Variants in FRRS1 observed in about 807,000 individuals in gnomAD.
FRRS1 encodes the protein ferric chelate reductase 1.
FRRS1 carries 51 observed loss-of-function variants against 70.7 expected under a neutral mutation model. The observed-to-expected ratio is 0.72, with a 90% CI of 0.58 to 0.91. FRRS1 has a LOEUF of 0.91. Ranked by LOEUF, FRRS1 falls within the 40% of genes least tolerant of loss-of-function variation. The probability of loss-of-function intolerance (pLI) is 0.00; values close to 1 mark genes in which losing one functional copy is unlikely to be tolerated. For missense variants in FRRS1, 672 were observed against 726.0 expected (o/e 0.93, Z 0.86); for synonymous variants, 225 against 238.7 (o/e 0.94, Z 0.53).
chr1:99,746,270 C>T (rs1002932305), intron 4 of FRRS1, among the ~76,000 whole-genome samples: 7 of 152,162 alleles, frequency 4.6e-5, no homozygotes, highest in African/African-American at 1.7e-4. Flanking sequence ...ACACACAGTA[C>T]TCGATGGAAA....
intron 1 of FRRS1, among the ~76,000 whole-genome samples, chr1:99,765,144 A>C (rs781536070): frequency 1.3e-5 from 2 of 152,226 alleles, no homozygotes; most frequent in Non-Finnish European, 2.9e-5. Context: ...TTCACCAAAA[A>C]AATCAACATA....
intron 14 of FRRS1, 124 bp from the exon 15 acceptor site, chr1:99,711,073 A>C: frequency 1.3e-6 from 1 of 789,614 alleles, no homozygotes; most frequent in Non-Finnish European, 2.0e-6. Context: ...GAAGATTAAT[A>C]TCTAAGACCA....
At chr1:99,717,593 C>G (rs374315701) in intron 10 of FRRS1, 68 bp from the exon 11 acceptor site, 1 of 1,034,432 alleles carries the variant, frequency 9.7e-7, no homozygotes, top group South Asian at 1.3e-5. Flanking sequence ...AATGACCAAG[C>G]CAAATGCTCA....
In FRRS1 at chr1:99,728,172, C is replaced by A. The variant is rs372332017; in HGVS notation, c.1006+321G>T. On this transcript the variant is annotated intron_variant, in intron 9 of 16. Coordinates refer to ENST00000646001, the MANE Select transcript of FRRS1 (RefSeq NM_001361041.2). ...CTTCTAGGTCCCCTGCAATGTTAAT[C>A]TACTATCACTACACTCAGGGAAGCC... 9.8e-5 allele frequency among the ~76,000 whole-genome samples: 15 copies of A among 152,354 alleles called. No homozygotes were observed. In the South Asian group the frequency reaches 3.1e-3, roughly 32 times the overall value.
chr1:99,736,635 G>C (rs1377319471), intron 7 of FRRS1, among the ~76,000 whole-genome samples: 1 of 118,772 alleles, frequency 8.4e-6, no homozygotes, highest in Non-Finnish European at 1.6e-5. Context: ...GGGGAGAGTG[G>C]GGAGGGATAG....
rs987679283 is a variant in FRRS1, at chr1:99,707,772, T to A, written c.*1256A>T. On this transcript the variant is annotated 3_prime_UTR_variant, in exon 17 of 17. Coordinates refer to ENST00000646001, the MANE Select transcript of FRRS1 (RefSeq NM_001361041.2). ...TGGCTAGAAGTCCTCATAGCACATA[T>A]GAGATGTAGCCATAAAATAGATGAA... 2.6e-5 allele frequency among the ~76,000 whole-genome samples: 4 copies of A among 152,192 alleles called. No individual in the cohort carries two copies. The highest frequency in any genetic ancestry group is 5.9e-5 in the Non-Finnish European group (4 of 68,040).
In FRRS1 at chr1:99,736,942, A is replaced by T. The variant is rs932160469; in HGVS notation, c.759+1144T>A. Among the ~76,000 whole-genome samples the T allele has an allele frequency of 1.1e-4, 16 of 151,880 alleles. No homozygotes were observed. In the South Asian group the frequency reaches 3.3e-3, roughly 32 times the overall value. On this transcript the variant is annotated intron_variant, in intron 7 of 16. Coordinates refer to ENST00000646001, the MANE Select transcript of FRRS1 (RefSeq NM_001361041.2). Reference sequence around the variant, plus strand: ...TTTCAGGACGAGCATTAGTTTTTCTATTACAGCCATGTCAGAGTTCCTTTT... The same window carrying T: ...TTTCAGGACGAGCATTAGTTTTTCTTTTACAGCCATGTCAGAGTTCCTTTT...
rs1322962347 is a variant in FRRS1, at chr1:99,763,995, G to A, written c.-106+2612C>T. Among the ~76,000 whole-genome samples, 13 of 152,110 alleles carry A rather than the reference G, an allele frequency of 8.5e-5. No homozygotes were observed. In the East Asian group the frequency reaches 9.6e-4, roughly 11 times the overall value. On this transcript the variant is annotated intron_variant, in intron 1 of 16. Coordinates refer to ENST00000646001, the MANE Select transcript of FRRS1 (RefSeq NM_001361041.2). ...TTAAGTGGTTACAAAAATAAACTAC[G>A]CTATACCCAAACTATATAATACTTG...
intron 6 of FRRS1, among the ~76,000 whole-genome samples, chr1:99,740,352 G>T (rs1363182401): frequency 6.6e-6 from 1 of 152,162 alleles, no homozygotes; most frequent in African/African-American, 2.4e-5. Flanking sequence ...TAACCTGTAA[G>T]TCATAAGGTT....
intron 7 of FRRS1, among the ~76,000 whole-genome samples, chr1:99,731,099 AG>A (rs1655360299): frequency 1.3e-5 from 2 of 152,310 alleles, no homozygotes; most frequent in South Asian, 4.1e-4. Flanking sequence ...GTCAATTAAT[AG>A]GGGGAAAAAG....
chr1:99,735,894 G>A (rs57180029), intron 7 of FRRS1, among the ~76,000 whole-genome samples: 4,917 of 152,118 alleles, frequency 0.032, 286 homozygotes, highest in African/African-American at 0.11. Flanking sequence ...AAATGTATCC[G>A]TATACTATAG....
In FRRS1 at chr1:99,717,395, T is replaced by C; in HGVS notation, c.1236+15A>G. Reference sequence around the variant, plus strand: ...ATACTATGAATATTGCATTGAACTTTTTTCCCTCACCTACCTGAAACCAAG... The same window carrying C: ...ATACTATGAATATTGCATTGAACTTCTTTCCCTCACCTACCTGAAACCAAG... On this transcript the variant is annotated intron_variant, in intron 11 of 16. Coordinates refer to ENST00000646001, the MANE Select transcript of FRRS1 (RefSeq NM_001361041.2). The C allele has an allele frequency of 6.5e-7, 1 of 1,544,822 alleles. No homozygotes were observed. Among genetic ancestry groups the C allele is most frequent in the Non-Finnish European group, 9.0e-7 (1 of 1,116,892 alleles).
intron 9 of FRRS1, 27 bp downstream of exon 9, chr1:99,728,466 G>A: frequency 2.0e-6 from 3 of 1,536,940 alleles, no homozygotes; most frequent in African/African-American, 1.4e-5. Flanking sequence ...AAAGACACTT[G>A]AAAAGACAGC....
chr1:99,722,411 C>T (rs1021425907), intron 9 of FRRS1, among the ~76,000 whole-genome samples: 2 of 152,122 alleles, frequency 1.3e-5, no homozygotes, highest in African/African-American at 4.8e-5. Flanking sequence ...ACAAGCACCC[C>T]ACACATTCGC....
At chr1:99,750,773 G>T (rs557551391) in intron 1 of FRRS1, among the ~76,000 whole-genome samples, 4 of 151,388 alleles carry the variant, frequency 2.6e-5, no homozygotes, top group African/African-American at 9.7e-5. Flanking sequence ...AGGAGAAGAG[G>T]GAAGGAAACA....
chr1:99,748,725 A>G lies in FRRS1; in HGVS notation c.44T>C (p.Leu15Ser). The G allele has an allele frequency of 6.2e-7, 1 of 1,614,140 alleles. No homozygotes were observed. The highest frequency in any genetic ancestry group is 1.1e-5 in the South Asian group (1 of 91,080). The change falls in exon 3 of 17, where the codon TTG (leucine) becomes TCG (serine). Residue 15 changes from leucine (L) to serine (S), a missense_variant. Transcript: ENST00000646001. The stretch of plus-strand genomic sequence containing the variant: ...ATAATTAGCCACATAACTAATGTGC[A>G]ACAGAAGTATGCAGGTACCAAGAGT... ...GFTLGTCILLLHISYVANYPN... is the reference protein window; with the variant it reads ...GFTLGTCILLSHISYVANYPN...
intron 9 of FRRS1, among the ~76,000 whole-genome samples, chr1:99,724,786 C>A (rs1487676133): frequency 5.4e-5 from 8 of 148,378 alleles, no homozygotes; most frequent in African/African-American, 2.0e-4. Context: ...TTGCACTGTA[C>A]CAGTTAAAAA....
chr1:99,714,793 T>C (rs745731243), intron 12 of FRRS1, among the ~76,000 whole-genome samples: 3 of 152,092 alleles, frequency 2.0e-5, no homozygotes, highest in Non-Finnish European at 2.9e-5. Flanking sequence ...TGGCAGTGGG[T>C]AGAACAGGCC....
chr1:99,758,363 A>C (rs1557709600), intron 1 of FRRS1, among the ~76,000 whole-genome samples: 1 of 152,224 alleles, frequency 6.6e-6, no homozygotes, highest in Non-Finnish European at 1.5e-5. Context: ...ACTGAGTTAG[A>C]AACTAATCTG....
Sources: gnomAD v4.1 joint callset for allele counts (sites outside exome capture counted in the v4.1 genomes callset) on GRCh38, gnomAD v4.1.1 for gene constraint, MANE v1.5 for transcripts, NCBI Gene and HGNC (gene_info 2026-07-23, HGNC 2026-07-21) for gene names.